The following FAT4 variants were observed in gnomAD, a reference collection of about 807,000 sequenced individuals.
FAT4 encodes the protein protocadherin Fat 4.
A neutral mutation model predicts 303.9 loss-of-function variants in FAT4; 84 were observed. The observed-to-expected ratio is 0.28, with a 90% confidence interval of 0.23 to 0.33. FAT4 has a LOEUF of 0.33. Among genes scored for constraint, FAT4 ranks in the 10% least tolerant of loss-of-function variants. The pLI, the probability that FAT4 is intolerant of heterozygous loss-of-function variation, is 1.00. For synonymous variants in FAT4, 2,307 were observed against 2,298.8 expected (o/e 1.00, Z -0.10); for missense variants, 6,005 against 6,146.8 (o/e 0.98, Z 0.77).
intron 2 of FAT4, among the ~76,000 whole-genome samples, chr4:125,341,574 T>A (rs1416112247): frequency 6.6e-6 from 1 of 152,078 alleles, no homozygotes; most frequent in Non-Finnish European, 1.5e-5. Context: ...TGAACATCTT[T>A]TTAAAGTTCT....
At position 125,492,778 on chromosome 4, in the gene FAT4, A is replaced by G. The variant is rs1727696353; in HGVS notation, c.*1010A>G. ...TGATACTGATATTTTCCTATGCTGAATAGTTTTCTTACTTTCAGGGAAGGT... is the reference window on the plus strand; with the variant it reads ...TGATACTGATATTTTCCTATGCTGAGTAGTTTTCTTACTTTCAGGGAAGGT... On this transcript the variant is annotated 3_prime_UTR_variant, in exon 18 of 18. Coordinates refer to ENST00000394329, the MANE Select transcript of FAT4 (RefSeq NM_001291303.3). The G allele has an allele frequency of 6.6e-6, 1 of 152,502 alleles. No homozygotes were observed. The highest frequency in any genetic ancestry group is 6.5e-5 in the Admixed American group (1 of 15,274). 9.4% of individuals were successfully genotyped at this position (152,502 alleles called of 1,614,324 possible).
rs1451843134 is a variant in FAT4 at position 125,320,331 on chromosome 4, A to T, written c.3920A>T (p.Asp1307Val). ...STCTLNIDIL[D>V]ENDNTPSFPK... is the part of the protein sequence containing the mutation. ...TGTACTTTAAATATTGATATTTTAGATGAAAATGACAATACCCCTTCTTTC... is the reference window on the plus strand; with the variant it reads ...TGTACTTTAAATATTGATATTTTAGTTGAAAATGACAATACCCCTTCTTTC... Residue 1307 changes from aspartate to valine, a missense_variant, in exon 2 of 18, where the codon GAT becomes GTT. Asp to Val is a radical substitution (Grantham distance 152, BLOSUM62 -3). Transcript: ENST00000394329. 3 of 1,612,752 alleles carry T rather than the reference A, an allele frequency of 1.9e-6. No individual in the cohort carries two copies. In the Admixed American group the frequency reaches 5.0e-5, roughly 27 times the overall value.
At chr4:125,356,382 G>A (rs1732423377) in intron 2 of FAT4, among the ~76,000 whole-genome samples, 2 of 152,014 alleles carry the variant, frequency 1.3e-5, no homozygotes, top group African/African-American at 4.8e-5. Context: ...TTTATTTTAT[G>A]CAGATATATG....
At chr4:125,332,200 C>A (rs1205549429) in intron 2 of FAT4, among the ~76,000 whole-genome samples, 1 of 140,674 alleles carries the variant, frequency 7.1e-6, no homozygotes, top group African/African-American at 2.6e-5. Context: ...CCTCAACAAG[C>A]CTGTAAGGAA....
At position 125,486,143 on chromosome 4, in the gene FAT4, C is replaced by CTTT. The variant is rs532857051; in HGVS notation, c.12823-1191_12823-1189dup. Among the ~76,000 whole-genome samples, 56 of 139,050 alleles carry CTTT rather than the reference C, an allele frequency of 4.0e-4. 2 individuals are homozygous for CTTT. Among genetic ancestry groups the CTTT allele is most frequent in the East Asian group, 3.3e-3 (16 of 4,872 alleles). 91.2% of individuals were successfully genotyped at this position (139,050 alleles called of 152,430 possible). The stretch of plus-strand genomic sequence containing the variant: ...GGAAAGAGCTGGGAGAAGGCTTTTC[C>CTTT]TTTTTTTTTTTTTCAAAAAGGACTC... On this transcript the variant is annotated intron_variant, in intron 16 of 17. Transcript: ENST00000394329.
intron 2 of FAT4, among the ~76,000 whole-genome samples, chr4:125,330,349 T>A (rs1731331818): frequency 6.6e-6 from 1 of 152,240 alleles, no homozygotes; most frequent in South Asian, 2.1e-4. Context: ...CCCATAAGGC[T>A]TACCAGCCTC....
At position 125,491,504 on chromosome 4, in the gene FAT4, C is replaced by T. The variant is rs35862879; in HGVS notation, c.14688C>T (p.His4896=). 8.3e-4 allele frequency: 1,344 copies of T among 1,614,144 alleles called. 10 individuals carry two copies. In the African/African-American group the frequency reaches 0.014, roughly 17 times the overall value. The stretch of plus-strand genomic sequence containing the variant: ...CCAGACTGAAGCCTCGAAGGTACCA[C>T]GGTCGCAGGGCCGAGGGAGGACCTG... The part of the protein sequence containing the change: ...YGARLKPRRY[H]GRRAEGGPVG... Residue 4896 remains histidine (H), a synonymous_variant, in exon 18 of 18, where the codon CAC becomes CAT. Coordinates refer to ENST00000394329, the MANE Select transcript of FAT4 (RefSeq NM_001291303.3).
Position 125,321,459 on chromosome 4 carries a change from T to C in FAT4, c.5048T>C (p.Ile1683Thr), listed in dbSNP as rs2125946192. The change falls in exon 2 of 18, where the codon ATT becomes ACT. Residue 1683 changes from isoleucine to threonine, a missense_variant. Transcript: ENST00000394329. The stretch of plus-strand genomic sequence containing the variant: ...AAAACTGTTGGACGCCTCTTTACTA[T>C]TGGACGACATACTGGTATAATTCAG... ...EEKTVGRLFTIGRHTGIIQTA... is the reference protein window; with the variant it reads ...EEKTVGRLFTTGRHTGIIQTA... 2 of 1,614,120 alleles carry C rather than the reference T, an allele frequency of 1.2e-6. No homozygotes were observed. Among genetic ancestry groups the C allele is most frequent in the East Asian group, 2.2e-5 (1 of 44,870 alleles).
intron 2 of FAT4, among the ~76,000 whole-genome samples, chr4:125,393,425 C>T (rs1468805370): frequency 1.3e-5 from 2 of 151,986 alleles, no homozygotes; most frequent in African/African-American, 2.4e-5. Context: ...GGGGAAATAG[C>T]ATGTTTTATC....
intron 7 of FAT4, among the ~76,000 whole-genome samples, chr4:125,432,507 G>C (rs1185251116): frequency 1.3e-5 from 2 of 152,076 alleles, no homozygotes; most frequent in Non-Finnish European, 2.9e-5. Flanking sequence ...AGTCTTATTT[G>C]ATGTGTTTCT....
intron 2 of FAT4, among the ~76,000 whole-genome samples, chr4:125,331,899 T>G (rs1307456413): frequency 6.6e-6 from 1 of 152,060 alleles, no homozygotes; most frequent in Non-Finnish European, 1.5e-5. Flanking sequence ...GCCTTAAGTT[T>G]AGTTGAAAGA....
At chr4:125,459,577 A>G (rs898011801) in intron 10 of FAT4, among the ~76,000 whole-genome samples, 6 of 152,030 alleles carry the variant, frequency 3.9e-5, no homozygotes, top group Admixed American at 3.3e-4. Flanking sequence ...CAATTAATTG[A>G]TGGATGTCAA....
intron 2 of FAT4, among the ~76,000 whole-genome samples, chr4:125,325,894 C>T (rs992459007): frequency 6.6e-6 from 1 of 152,110 alleles, no homozygotes; most frequent in African/African-American, 2.4e-5. Context: ...GCACCTCTAG[C>T]ATAAATGCCA....
rs1344299663 is a variant in FAT4, at chr4:125,319,861, C to A, written c.3450C>A (p.Ala1150=). Residue 1150 remains alanine, a synonymous_variant, in exon 2 of 18, where the codon GCC becomes GCA. Transcript: ENST00000394329. ...TGCAGCCAGATTTTGAGTTGCATGC[C>A]ATCAGTGGGGAAATTACAAATACTC... ...EMVQPDFELH[A]ISGEITNTHQ... 1 of 1,614,076 alleles carries A rather than the reference C, an allele frequency of 6.2e-7. No individual in the cohort carries two copies. Among genetic ancestry groups the A allele is most frequent in the Non-Finnish European group, 8.5e-7 (1 of 1,179,996 alleles).
chr4:125,444,141 A>C (rs2126052837), intron 8 of FAT4, among the ~76,000 whole-genome samples: 1 of 152,298 alleles, frequency 6.6e-6, no homozygotes, highest in African/African-American at 2.4e-5. Flanking sequence ...ATCAGAATTT[A>C]TACCATAGGT....
chr4:125,319,748 C>A lies in FAT4; in HGVS notation c.3337C>A (p.Gln1113Lys). 1 of 1,614,148 alleles carries A rather than the reference C, an allele frequency of 6.2e-7. No homozygotes were observed. The change falls in exon 2 of 18, where the codon CAG (glutamine) becomes AAG (lysine). Residue 1113 changes from glutamine (Q) to lysine (K), a missense_variant. Transcript: ENST00000394329. ...TNYTFYFEEEQRAGSFVGKVS... is the reference protein window; with the variant it reads ...TNYTFYFEEEKRAGSFVGKVS... The stretch of plus-strand genomic sequence containing the variant: ...TTACACATTTTACTTCGAAGAAGAG[C>A]AGAGGGCTGGGTCGTTTGTGGGCAA...
chr4:125,450,619 T>C lies in FAT4; in HGVS notation c.9609T>C (p.Pro3203=), dbSNP rs1726024579. ...SPVFLSDDYF[P]TVLENAPSGT... is the part of the protein sequence containing the mutation. Reference sequence around the variant, plus strand: ...TATTCCTCTCTGATGACTATTTCCCTACTGTTTTGGAAAATGCCCCAAGTG... The same window carrying C: ...TATTCCTCTCTGATGACTATTTCCCCACTGTTTTGGAAAATGCCCCAAGTG... Residue 3203 remains proline, a synonymous_variant, in exon 10 of 18, where the codon CCT becomes CCC. Transcript: ENST00000394329. 3.7e-6 allele frequency: 6 copies of C among 1,614,146 alleles called. No homozygotes were observed. Among genetic ancestry groups the C allele is most frequent in the Non-Finnish European group, 5.1e-6 (6 of 1,180,014 alleles).
Position 125,318,684 on chromosome 4 carries a change from C to G in FAT4, c.2273C>G (p.Ala758Gly), listed in dbSNP as rs570502199. 1.2e-6 allele frequency: 2 copies of G among 1,614,080 alleles called. No individual in the cohort carries two copies. The highest frequency in any genetic ancestry group is 1.7e-6 in the Non-Finnish European group (2 of 1,179,994). ...RMALDREEKT[A>G]YQLQIVATDG... Reference sequence around the variant, plus strand: ...GCCCTAGACAGAGAAGAAAAAACAGCTTATCAGTTGCAAATAGTAGCTACT... The same window carrying G: ...GCCCTAGACAGAGAAGAAAAAACAGGTTATCAGTTGCAAATAGTAGCTACT... The change falls in exon 2 of 18, where the codon GCT becomes GGT. Residue 758 changes from alanine (A) to glycine (G), a missense_variant. Transcript: ENST00000394329.
chr4:125,477,629 G>T (rs1727077309), intron 14 of FAT4, among the ~76,000 whole-genome samples: 1 of 151,060 alleles, frequency 6.6e-6, no homozygotes, highest in South Asian at 2.1e-4. Context: ...TAGTTAAGTT[G>T]GTAAATTATA....
Sources: allele counts gnomAD v4.1 joint callset (sites outside exome capture counted in the v4.1 genomes callset), GRCh38; gene constraint gnomAD v4.1.1; transcripts MANE v1.5; gene names NCBI Gene and HGNC (gene_info 2026-07-23, HGNC 2026-07-21).